ARHGEF6: variants seen among roughly 807,000 people sequenced by gnomAD.
ARHGEF6 encodes Rac/Cdc42 guanine nucleotide exchange factor 6.
ARHGEF6 carries 9 observed loss-of-function variants against 70.3 expected under a neutral mutation model. The observed-to-expected ratio is 0.13, with a 90% CI of 0.08 to 0.22. ARHGEF6 has a LOEUF of 0.22. Among genes scored for constraint, ARHGEF6 ranks in the 10% least tolerant of loss-of-function variants. ARHGEF6 has a pLI of 1.00. For missense variants in ARHGEF6, 470 were observed against 563.0 expected (o/e 0.83, Z 1.67); for synonymous variants, 201 against 207.8 (o/e 0.97, Z 0.28).
intron 10 of ARHGEF6, among the ~76,000 whole-genome samples, chrX:136,688,268 A>G (rs964407583): frequency 1.8e-5 from 2 of 111,736 alleles, no homozygotes; most frequent in Non-Finnish European, 3.8e-5. Flanking sequence ...CAGTGACTCT[A>G]ATTATTAGGT....
At chrX:136,778,344 G>A (rs2077422462) in intron 2 of ARHGEF6, among the ~76,000 whole-genome samples, 1 of 110,926 alleles carries the variant, frequency 9.0e-6, no homozygotes, top group African/African-American at 3.3e-5. Context: ...ATTTGTCCAC[G>A]GATAATATGA....
intron 13 of ARHGEF6, 48 bp from the exon 14 acceptor site, chrX:136,682,016 CT>C (rs2076337863): frequency 2.8e-5 from 29 of 1,039,911 alleles, no homozygotes; most frequent in Non-Finnish European, 3.9e-5. Flanking sequence ...ATACAGGTCT[CT>C]GTTTATTTCA....
intron 5 of ARHGEF6, among the ~76,000 whole-genome samples, chrX:136,734,436 TACC>T (rs2076966287): frequency 8.9e-6 from 1 of 111,848 alleles, no homozygotes. Flanking sequence ...AAACAAAAAC[TACC>T]ACAACTCACC....
chrX:136,742,730 C>T (rs370946364), intron 5 of ARHGEF6, among the ~76,000 whole-genome samples: 15 of 111,517 alleles, frequency 1.3e-4, no homozygotes, highest in Non-Finnish European at 2.6e-4. Context: ...ATCCCAGCAC[C>T]GTGGGAGGCC....
chrX:136,757,421 T>C (rs953044669), intron 2 of ARHGEF6, among the ~76,000 whole-genome samples: 15 of 111,850 alleles, frequency 1.3e-4, no homozygotes, highest in African/African-American at 4.2e-4. Context: ...ATAAATAAAT[T>C]TAAAATAATT....
intron 10 of ARHGEF6, among the ~76,000 whole-genome samples, chrX:136,690,305 G>A (rs2076445883): frequency 9.0e-6 from 1 of 111,404 alleles, no homozygotes; most frequent in Non-Finnish European, 1.9e-5. Context: ...CTACTGAGAG[G>A]GCAAAAGAAA....
chrX:136,701,092 AT>A (rs2076566374), intron 9 of ARHGEF6, among the ~76,000 whole-genome samples: 1 of 112,149 alleles, frequency 8.9e-6, no homozygotes, highest in Non-Finnish European at 1.9e-5. Flanking sequence ...AAAGAAAAAA[AT>A]TTTAAATGGA....
At chrX:136,778,662 G>C (rs372952648) in intron 2 of ARHGEF6, among the ~76,000 whole-genome samples, 1 of 110,047 alleles carries the variant, frequency 9.1e-6, no homozygotes, top group East Asian at 2.9e-4. Context: ...CCTAATTTTT[G>C]TATTTTTTGT....
intron 2 of ARHGEF6, among the ~76,000 whole-genome samples, chrX:136,773,021 A>G (rs943834561): frequency 9.0e-6 from 1 of 111,647 alleles, no homozygotes; most frequent in South Asian, 3.8e-4. Context: ...AAGACATTGT[A>G]GCCATATGAG....
At chrX:136,764,196 T>C (rs2077291228) in intron 2 of ARHGEF6, among the ~76,000 whole-genome samples, 2 of 110,925 alleles carry the variant, frequency 1.8e-5, no homozygotes, top group Admixed American at 1.9e-4. Context: ...AAGGCTTGTC[T>C]GATTTGGGAA....
intron 9 of ARHGEF6, 148 bp downstream of exon 9, chrX:136,706,760 T>C (rs751621504): frequency 6.9e-5 from 55 of 797,884 alleles, no homozygotes; most frequent in South Asian, 1.4e-4. Flanking sequence ...ATTGGATTAA[T>C]GGACAATCAA....
Position 136,680,745 on chromosome X carries a change from A to T in ARHGEF6, c.1690T>A (p.Cys564Ser). The change falls in exon 15 of 22, where the codon TGT becomes AGT. Residue 564 changes from cysteine to serine, a missense_variant. By Grantham distance (112) the Cys-to-Ser change is moderately radical. Coordinates refer to ENST00000250617, the MANE Select transcript of ARHGEF6 (RefSeq NM_004840.3). ...GGACTACTTACAGAATGAGCACTACATGATGACGATGAGGTTTTGGATAAT... is the reference window on the plus strand; with the variant it reads ...GGACTACTTACAGAATGAGCACTACTTGATGACGATGAGGTTTTGGATAAT... The part of the protein sequence containing the change: ...SSLSKTSSSS[C>S]SAHSSFSSTG... 8.3e-7 allele frequency: 1 copy of T among 1,211,675 alleles called. No homozygotes were observed. Among genetic ancestry groups the T allele is most frequent in the Non-Finnish European group, 1.1e-6 (1 of 895,334 alleles).
chrX:136,670,369 A>T (rs1234767459), intron 20 of ARHGEF6, among the ~76,000 whole-genome samples: 1 of 112,028 alleles, frequency 8.9e-6, no homozygotes, highest in African/African-American at 3.2e-5. Context: ...GTATGAAAAA[A>T]ATCTGTACAT....
intron 2 of ARHGEF6, among the ~76,000 whole-genome samples, chrX:136,753,849 T>A (rs1218353576): frequency 8.9e-6 from 1 of 112,491 alleles, no homozygotes. Context: ...TATTTATAAA[T>A]TCTGGCTTTA....
At chrX:136,727,723 G>A (rs2281666) in intron 6 of ARHGEF6, among the ~76,000 whole-genome samples, 11,661 of 109,831 alleles carry the variant, frequency 0.11, 1,315 homozygotes, top group African/African-American at 0.34. Flanking sequence ...TAGTAGAGAC[G>A]GGGTATCGCC....
chrX:136,768,862 C>T (rs1248140758), intron 2 of ARHGEF6, among the ~76,000 whole-genome samples: 3 of 109,270 alleles, frequency 2.7e-5, no homozygotes, highest in Non-Finnish European at 3.8e-5. Context: ...CCTGCTGTTC[C>T]GGTGACAAGG....
At chrX:136,705,565 C>T (rs2076618543) in intron 9 of ARHGEF6, among the ~76,000 whole-genome samples, 1 of 111,747 alleles carries the variant, frequency 8.9e-6, no homozygotes, top group South Asian at 3.8e-4. Flanking sequence ...ATCTGTAAAG[C>T]AGAGATGGTA....
At chrX:136,721,751 T>A (rs1168884301) in intron 6 of ARHGEF6, among the ~76,000 whole-genome samples, 2 of 110,982 alleles carry the variant, frequency 1.8e-5, no homozygotes, top group Non-Finnish European at 3.8e-5. Flanking sequence ...AACTAGATAA[T>A]AGAATGGTGG....
chrX:136,713,390 T>C lies in ARHGEF6; in HGVS notation c.733-20A>G, dbSNP rs201064663. On this transcript the variant is annotated intron_variant, in intron 6 of 21. Transcript: ENST00000250617. ...TAACACCTATGGAAAAAAAAGTCAA[T>C]GTATTATAATCATCACGATAGTCTA... The C allele has an allele frequency of 1.4e-4, 152 of 1,115,868 alleles. No homozygotes were observed. The highest frequency in any genetic ancestry group is 1.4e-3 in the Middle Eastern group (5 of 3,672). The allele number at this position is 1,115,868 out of a possible 1,213,427, so 92.0% of individuals were successfully genotyped here.
Sources: gnomAD v4.1 joint callset for allele counts (sites outside exome capture counted in the v4.1 genomes callset) on GRCh38, gnomAD v4.1.1 for gene constraint, MANE v1.5 for transcripts, NCBI Gene and HGNC (gene_info 2026-07-23, HGNC 2026-07-21) for gene names.